HIF3A: variants seen among roughly 807,000 people sequenced by gnomAD.
HIF3A encodes hypoxia inducible factor 3 subunit alpha, also known as hypoxia-inducible factor 3-alpha.
In HIF3A, 41 loss-of-function variants were observed where a neutral mutation model predicts 67.2. The ratio of observed to expected loss-of-function variants is 0.61; its 90% CI spans 0.48 to 0.79. The LOEUF is 0.79. Among genes scored for constraint, HIF3A ranks in the 30% least tolerant of loss-of-function variants. The pLI is 0.00. For synonymous variants in HIF3A, 356 were observed against 374.8 expected (o/e 0.95, Z 0.58); for missense variants, 855 against 898.0 (o/e 0.95, Z 0.61).
intron 1 of HIF3A, among the ~76,000 whole-genome samples, chr19:46,300,859 C>T (rs1205562522): frequency 6.6e-6 from 1 of 152,102 alleles, no homozygotes; most frequent in Non-Finnish European, 1.5e-5. Context: ...AAGGAGGGTC[C>T]CTCCGCAGCC....
At chr19:46,312,442 C>T (rs774094388) in intron 7 of HIF3A, 64 bp from the exon 8 acceptor site, 157 of 1,598,278 alleles carry the variant, frequency 9.8e-5, no homozygotes, top group Non-Finnish European at 1.3e-4. Flanking sequence ...TACCCAGTCC[C>T]CAGATATTTC....
intron 11 of HIF3A, among the ~76,000 whole-genome samples, chr19:46,327,103 C>T (rs896493031): frequency 3.3e-5 from 5 of 151,854 alleles, no homozygotes; most frequent in East Asian, 1.9e-4. Context: ...TGCAGTGAGC[C>T]GAGATTGTGC....
intron 8 of HIF3A, among the ~76,000 whole-genome samples, chr19:46,316,748 A>C (rs1180547289): frequency 6.7e-6 from 1 of 149,668 alleles, no homozygotes; most frequent in African/African-American, 2.5e-5. Context: ...GGTTGCAATG[A>C]GTGGAGATCA....
At chr19:46,311,451 A>T (rs923873628) in intron 6 of HIF3A, among the ~76,000 whole-genome samples, 14 of 152,208 alleles carry the variant, frequency 9.2e-5, no homozygotes, top group African/African-American at 2.9e-4. Flanking sequence ...ATTAGAAATG[A>T]GTTTTACAGG....
At chr19:46,319,527 ACCTGTT>A (rs1826812059) in intron 8 of HIF3A, among the ~76,000 whole-genome samples, 1 of 152,108 alleles carries the variant, frequency 6.6e-6, no homozygotes, top group Non-Finnish European at 1.5e-5. Flanking sequence ...GTATTTCTAA[ACCTGTT>A]CCCTTGAGTA....
intron 10 of HIF3A, among the ~76,000 whole-genome samples, chr19:46,324,302 G>A (rs193094631): frequency 2.6e-5 from 4 of 152,086 alleles, no homozygotes; most frequent in Admixed American, 6.6e-5. Flanking sequence ...GGCACCTATC[G>A]GTGCTCAACA....
At chr19:46,327,881 T>C (rs1279636487) in intron 11 of HIF3A, among the ~76,000 whole-genome samples, 2 of 152,212 alleles carry the variant, frequency 1.3e-5, no homozygotes, top group Admixed American at 6.5e-5. Flanking sequence ...GGGTCCCAGA[T>C]GGAAAGTTTT....
intron 2 of HIF3A, among the ~76,000 whole-genome samples, chr19:46,304,621 C>T (rs1288819456): frequency 1.3e-5 from 2 of 152,150 alleles, no homozygotes; most frequent in East Asian, 1.9e-4. Context: ...TTGCCACGCA[C>T]GTGCACGCGC....
chr19:46,334,811 C>T, intron 13 of HIF3A, 94 bp from the exon 14 acceptor site: 2 of 994,986 alleles, frequency 2.0e-6, no homozygotes, highest in Non-Finnish European at 3.1e-6. Context: ...TGGCCTCAGC[C>T]CCCGAAAGTG....
rs1369348909 is a variant in HIF3A at position 46,297,756 on chromosome 19, CAG to C, written c.26+657_26+658del. Reference sequence around the variant, plus strand: ...AGACTTTTTGTATCCTTTCAAAAGCCAGAGTCACCCCCTTAAATAACAGGGAA... The same window carrying C: ...AGACTTTTTGTATCCTTTCAAAAGCCAGTCACCCCCTTAAATAACAGGGAA... On this transcript the variant is annotated intron_variant, in intron 1 of 14. Transcript: ENST00000377670. The surrounding 1 kb of genome is among the most constrained non-coding windows in gnomAD (Gnocchi z 4.5). Among the ~76,000 whole-genome samples, 3 of 152,070 alleles carry C rather than the reference CAG, an allele frequency of 2.0e-5. No individual in the cohort carries two copies. Among genetic ancestry groups the C allele is most frequent in the African/African-American group, 7.2e-5 (3 of 41,416 alleles).
chr19:46,303,801 C>A (rs1434310198), intron 1 of HIF3A, 97 bp from the exon 2 acceptor site: 1 of 1,504,880 alleles, frequency 6.6e-7, no homozygotes, highest in Non-Finnish European at 9.0e-7. Context: ...CAGCACTCCA[C>A]GAGCCCCGGC....
At chr19:46,316,692 A>C (rs1410408513) in intron 8 of HIF3A, among the ~76,000 whole-genome samples, 1 of 151,846 alleles carries the variant, frequency 6.6e-6, no homozygotes, top group Non-Finnish European at 1.5e-5. Flanking sequence ...AATCTGAGCT[A>C]CTTGGGAGGC....
intron 8 of HIF3A, among the ~76,000 whole-genome samples, chr19:46,319,553 T>C (rs1970197180): frequency 6.6e-6 from 1 of 152,142 alleles, no homozygotes; most frequent in Non-Finnish European, 1.5e-5. Flanking sequence ...ATGAAAAACA[T>C]CTATGAATAG....
chr19:46,320,395 C>A, intron 8 of HIF3A, 48 bp from the exon 9 acceptor site: 2 of 1,461,858 alleles, frequency 1.4e-6, no homozygotes, highest in East Asian at 2.3e-5. Flanking sequence ...TGGGCTGGAG[C>A]CAAGGACCCT....
rs1349142498 is a variant in HIF3A, at chr19:46,321,955, AG to A, written c.1325del (p.Ser442IlefsTer35). ...CCCGCTGGCCACACGGCACCCCCAA[AG>A]TCCTCTTTCGGTAAGCCATCCCACC... is the stretch of plus-strand genomic sequence containing the variant. ...STPLATRHPQSPLSADLPDEL... is the reference protein window; with the variant it reads ...STPLATRHPQXPLSADLPDEL... On this transcript the variant is annotated frameshift_variant, in exon 10 of 15. Transcript: ENST00000377670. LOFTEE classifies it high-confidence loss of function. The A allele has an allele frequency of 6.2e-7, 1 of 1,613,740 alleles. No individual in the cohort carries two copies.
chr19:46,310,592 T>A, intron 6 of HIF3A: 1 of 456,198 alleles, frequency 2.2e-6, no homozygotes, highest in Non-Finnish European at 4.4e-6. Flanking sequence ...TGGCTGTGTA[T>A]CCTTAGCCAA....
At chr19:46,301,705 A>C (rs767743440) in intron 1 of HIF3A, among the ~76,000 whole-genome samples, 1 of 151,986 alleles carries the variant, frequency 6.6e-6, no homozygotes, top group Non-Finnish European at 1.5e-5. Flanking sequence ...AGATGTCTGT[A>C]ATCCCAGCTA....
intron 3 of HIF3A, among the ~76,000 whole-genome samples, chr19:46,307,939 T>C (rs982150641): frequency 2.0e-5 from 3 of 151,342 alleles, no homozygotes; most frequent in Non-Finnish European, 4.4e-5. Context: ...TCTCAAAAAA[T>C]AGATAGATAG....
intron 1 of HIF3A, chr19:46,298,206 C>CCCCCCCCCTCCT: frequency 3.3e-6 from 1 of 299,420 alleles, no homozygotes; most frequent in Non-Finnish European, 6.7e-6. Context: ...ATGTTTCTAA[C>CCCCCCCCCTCCT]CGCCCCCATC....
Sources: gnomAD v4.1 joint callset for allele counts (sites outside exome capture counted in the v4.1 genomes callset) on GRCh38, gnomAD v4.1.1 for gene constraint, Gnocchi (gnomAD v3.1) non-coding constraint, MANE v1.5 for transcripts, NCBI Gene and HGNC (gene_info 2026-07-23, HGNC 2026-07-21) for gene names.